Variants in SYT8 observed in about 807,000 individuals in gnomAD.
The protein encoded by SYT8 is synaptotagmin-8.
SYT8 carries 50 observed loss-of-function variants against 34.9 expected under a neutral mutation model. That is an observed-to-expected ratio of 1.43 (90% confidence interval 1.14 to 1.81). The LOEUF (loss-of-function observed/expected upper bound fraction) is 1.81, where lower values mean the gene tolerates loss of function less well. Ranked by LOEUF, SYT8 falls within the 40% of genes most tolerant of loss-of-function variation. SYT8 has a pLI of 0.00. For missense variants in SYT8, 595 were observed against 529.0 expected (o/e 1.12, Z -1.22); for synonymous variants, 255 against 234.2 (o/e 1.09, Z -0.81).
intron 4 of SYT8, 57 bp downstream of exon 4, chr11:1,836,341 G>T: frequency 2.7e-6 from 4 of 1,494,160 alleles, no homozygotes; most frequent in South Asian, 2.7e-5. Flanking sequence ...CCTGGGCTGG[G>T]TGGGCCTGGG....
At chr11:1,836,010 A>G in intron 3 of SYT8, 26 bp downstream of exon 3, 1 of 1,593,954 alleles carries the variant, frequency 6.3e-7, no homozygotes, top group Non-Finnish European at 8.5e-7. Flanking sequence ...GCGCAGGACC[A>G]GCGGTTCTGC....
chr11:1,831,989 G>C, upstream of SYT8: 1 of 354,576 alleles, frequency 2.8e-6, no homozygotes, highest in Non-Finnish European at 5.7e-6. Flanking sequence ...GTGTTCCCAC[G>C]GAAGCAGAAA....
At position 1,836,496 on chromosome 11, in the gene SYT8, T is replaced by G. The variant is rs760899985; in HGVS notation, c.588T>G (p.His196Gln). 1.9e-6 allele frequency: 3 copies of G among 1,612,358 alleles called. No individual in the cohort carries two copies. Among genetic ancestry groups the G allele is most frequent in the Non-Finnish European group, 2.5e-6 (3 of 1,179,812 alleles). Residue 196 changes from histidine (H) to glutamine (Q), a missense_variant, in exon 5 of 8, where the codon CAT becomes CAG. Coordinates refer to ENST00000341958, the MANE Select transcript of SYT8 (RefSeq NM_001394072.1). ...TCAACTTCAAGCGCTTCTCGGGGCA[T>G]GAGCCCCTGGGTGAGCTCCGTCTGC... is the stretch of plus-strand genomic sequence containing the variant. ...QLFNFKRFSG[H>Q]EPLGELRLPL...
Position 1,836,549 on chromosome 11 carries a change from T to C in SYT8, c.641T>C (p.Val214Ala), listed in dbSNP as rs1846946997. Residue 214 changes from valine to alanine, a missense_variant, in exon 5 of 8, where the codon GTT becomes GCT. Physicochemically the swap from Val to Ala is moderately conservative, Grantham distance 64. Transcript: ENST00000341958. ...LPLGTVDLQH[V>A]LEHWYLLGPP... Reference sequence around the variant, plus strand: ...CTGGGCACCGTGGATCTGCAGCATGTTCTGGAGCACTGGTACCTGCTGGGC... The same window carrying C: ...CTGGGCACCGTGGATCTGCAGCATGCTCTGGAGCACTGGTACCTGCTGGGC... The C allele has an allele frequency of 6.2e-7, 1 of 1,612,580 alleles. No individual in the cohort carries two copies. The highest frequency in any genetic ancestry group is 1.7e-5 in the Admixed American group (1 of 59,990).
upstream of SYT8, among the ~76,000 whole-genome samples, chr11:1,832,366 G>A (rs941043330): frequency 6.6e-6 from 1 of 152,210 alleles, no homozygotes; most frequent in Non-Finnish European, 1.5e-5. Context: ...GGGGGAGCCG[G>A]GGAGGAGGGA....
At chr11:1,832,910 G>T, upstream of SYT8, among the ~76,000 whole-genome samples, 2 of 152,250 alleles carry the variant, frequency 1.3e-5, no homozygotes, top group Middle Eastern at 6.8e-3. Flanking sequence ...CCAGCAAAGC[G>T]GGGGCACAGG....
At chr11:1,834,972 C>T, upstream of SYT8, 1 of 891,896 alleles carries the variant, frequency 1.1e-6, no homozygotes, top group Non-Finnish European at 1.7e-6. The surrounding 1 kb of genome is among the most constrained non-coding windows in gnomAD (Gnocchi z 4.5). Context: ...CCACCCCGTG[C>T]TGCCTCCTTG....
intron 7 of SYT8, 21 bp downstream of exon 7, chr11:1,837,111 G>A: frequency 6.2e-7 from 1 of 1,612,332 alleles, no homozygotes; most frequent in Non-Finnish European, 8.5e-7. Flanking sequence ...GGGAGGCAGG[G>A]GCAGAGCGAG....
intron 2 of SYT8, 115 bp from the exon 3 acceptor site, chr11:1,835,771 C>T (rs1846878861): frequency 2.1e-6 from 2 of 935,076 alleles, no homozygotes; most frequent in East Asian, 5.1e-5. Context: ...TGTTGGGTGG[C>T]CTGGCCTGGA....
rs768083247 is a variant in SYT8, at chr11:1,837,109, G to C, written c.924+19G>C. The stretch of plus-strand genomic sequence containing the variant: ...GGTCCAGGTGGGCCACCGGGAGGCA[G>C]GGGCAGAGCGAGACCCAGTGCCAGA... On this transcript the variant is annotated intron_variant, in intron 7 of 7. Coordinates refer to ENST00000341958, the MANE Select transcript of SYT8 (RefSeq NM_001394072.1). 1 of 1,612,348 alleles carries C rather than the reference G, an allele frequency of 6.2e-7. No individual in the cohort carries two copies. Among genetic ancestry groups the C allele is most frequent in the African/African-American group, 1.3e-5 (1 of 74,916 alleles).
At chr11:1,834,420 C>T (rs1304730545), upstream of SYT8, 1 of 718,662 alleles carries the variant, frequency 1.4e-6, no homozygotes. This position sits in a 1 kb window ranked among gnomAD's most constrained non-coding sequence, Gnocchi z 4.5. Context: ...ACCTCACCTT[C>T]ATCCTCAGGC....
At position 1,835,299 on chromosome 11, in the gene SYT8, C is replaced by CTGGG; in HGVS notation, c.98_99insTGGG (p.Arg34GlyfsTer58). On this transcript the variant is annotated frameshift_variant, in exon 2 of 8. Coordinates refer to ENST00000341958, the MANE Select transcript of SYT8 (RefSeq NM_001394072.1). LOFTEE classifies it high-confidence loss of function. ...CTCAGCCTGGCCTCTACCCCAGGGC[C>CTGGG]CCGCTGGGCTCTCATTGCCGGCGCC... is the stretch of plus-strand genomic sequence containing the variant. The CTGGG allele has an allele frequency of 6.3e-7, 1 of 1,599,306 alleles. No homozygotes were observed. The highest frequency in any genetic ancestry group is 8.5e-7 in the Non-Finnish European group (1 of 1,171,260).
At chr11:1,833,435 A>G (rs1008284934), upstream of SYT8, among the ~76,000 whole-genome samples, 2 of 152,266 alleles carry the variant, frequency 1.3e-5, no homozygotes, top group Non-Finnish European at 1.5e-5. Context: ...TAAACCAAGC[A>G]GGGACCCCTC....
upstream of SYT8, chr11:1,831,872 G>A (rs531880309): frequency 6.3e-5 from 27 of 430,006 alleles, no homozygotes; most frequent in South Asian, 2.9e-4. Flanking sequence ...GTGGCTGGCC[G>A]GCCACAGGAA....
rs1330948229 is a variant in SYT8 at position 1,835,141 on chromosome 11, C to T, written c.36C>T (p.Ala12=). Residue 12 remains alanine, a synonymous_variant, in exon 1 of 8, where the codon GCC becomes GCT. Coordinates refer to ENST00000341958, the MANE Select transcript of SYT8 (RefSeq NM_001394072.1). ...CACCAGTCTCTCCCAGTGCCCCGGC[C>T]CCAGCTGGCACCACAGCTATACCTG... The part of the protein sequence containing the change: ...GHPPVSPSAP[A]PAGTTAIPGL... The T allele has an allele frequency of 3.7e-6, 6 of 1,613,506 alleles. No individual in the cohort carries two copies. In the Admixed American group the frequency reaches 6.7e-5, roughly 18 times the overall value.
At chr11:1,834,670 C>T, upstream of SYT8, 5 of 1,515,934 alleles carry the variant, frequency 3.3e-6, no homozygotes, top group Non-Finnish European at 4.5e-6. This position sits in a 1 kb window ranked among gnomAD's most constrained non-coding sequence, Gnocchi z 4.5. Flanking sequence ...GATGAGACCC[C>T]CAGGGATGAG....
Position 1,836,794 on chromosome 11 carries a change from C to A in SYT8, c.723C>A (p.Tyr241Ter). 1 of 1,610,960 alleles carries A rather than the reference C, an allele frequency of 6.2e-7. No individual in the cohort carries two copies. Among genetic ancestry groups the A allele is most frequent in the South Asian group, 1.1e-5 (1 of 91,084 alleles). The stretch of plus-strand genomic sequence containing the variant: ...GGGAGCTGTGCTTCTCTCTCCGGTA[C>A]GTGCCCAGCTCAGGCCGGCTGACCG... ...QVGELCFSLRYVPSSGRLTVV... is the reference protein window; with the variant it reads ...QVGELCFSLR Residue 241 changes from tyrosine (Y) to a stop codon, truncating the protein, a stop_gained, in exon 6 of 8, where the codon TAC (tyrosine) becomes TAA (stop). Transcript: ENST00000341958. LOFTEE classifies it high-confidence loss of function.
chr11:1,831,787 A>G (rs1432342883), upstream of SYT8: 15 of 455,988 alleles, frequency 3.3e-5, no homozygotes, highest in Admixed American at 2.4e-4. Flanking sequence ...CTACCCCAGG[A>G]GAGAGTTCCC....
chr11:1,834,943 A>C (rs1846816293), upstream of SYT8: 10 of 696,048 alleles, frequency 1.4e-5, no homozygotes, highest in South Asian at 1.8e-4. This position sits in a 1 kb window ranked among gnomAD's most constrained non-coding sequence, Gnocchi z 4.5. Flanking sequence ...TTCCTGCTGC[A>C]CAGAACCCTC....
Sources: gnomAD v4.1 joint callset for allele counts (sites outside exome capture counted in the v4.1 genomes callset) on GRCh38, gnomAD v4.1.1 for gene constraint, Gnocchi (gnomAD v3.1) non-coding constraint, MANE v1.5 for transcripts, NCBI Gene and HGNC (gene_info 2026-07-23, HGNC 2026-07-21) for gene names.